AGBL4: variants seen among roughly 807,000 people sequenced by gnomAD.
The protein encoded by AGBL4 is cytosolic carboxypeptidase 6.
In AGBL4, 58 loss-of-function variants were observed where a neutral mutation model predicts 66.4. The ratio of observed to expected loss-of-function variants is 0.87; its 90% CI spans 0.71 to 1.09. The LOEUF (loss-of-function observed/expected upper bound fraction) is 1.09. Ranked by LOEUF, AGBL4 falls within the 50% of genes least tolerant of loss-of-function variation. The pLI is 0.00. For missense variants in AGBL4, 579 were observed against 631.0 expected, an observed-to-expected ratio of 0.92 and a Z score of 0.88; for synonymous variants, 234 against 222.9, an observed-to-expected ratio of 1.05 and a Z score of -0.44.
At chr1:49,163,898 G>T (rs1314920749) in intron 4 of AGBL4, among the ~76,000 whole-genome samples, 2 of 152,134 alleles carry the variant, frequency 1.3e-5, no homozygotes, top group Non-Finnish European at 2.9e-5. Flanking sequence ...CCGAGCAAAA[G>T]CACTGGGCTG....
At chr1:48,580,563 C>T (rs2148330946) in intron 11 of AGBL4, among the ~76,000 whole-genome samples, 1 of 152,296 alleles carries the variant, frequency 6.6e-6, no homozygotes, top group East Asian at 1.9e-4. Flanking sequence ...ATAGTCATTG[C>T]TAAACTGAGA....
intron 9 of AGBL4, among the ~76,000 whole-genome samples, chr1:48,623,046 G>C (rs1222137320): frequency 6.6e-6 from 1 of 152,158 alleles, no homozygotes; most frequent in African/African-American, 2.4e-5. Flanking sequence ...AAAATGGAGA[G>C]AAGCCCCCTC....
chr1:49,825,163 C>T (rs959957100), intron 2 of AGBL4, among the ~76,000 whole-genome samples: 5 of 152,186 alleles, frequency 3.3e-5, no homozygotes, highest in African/African-American at 1.2e-4. Flanking sequence ...ATCTTCTTTA[C>T]TGATACAAAA....
chr1:49,074,329 C>T (rs1290621677), intron 4 of AGBL4, among the ~76,000 whole-genome samples: 3 of 152,158 alleles, frequency 2.0e-5, no homozygotes, highest in Non-Finnish European at 4.4e-5. Flanking sequence ...AGGGAAATCC[C>T]CTGACCCCTT....
intron 5 of AGBL4, among the ~76,000 whole-genome samples, chr1:49,016,281 G>GAGGC (rs1181533095): frequency 6.6e-6 from 1 of 152,204 alleles, no homozygotes; most frequent in Non-Finnish European, 1.5e-5. Context: ...CTAATGCGGG[G>GAGGC]AGGCAGTCCT....
At chr1:49,120,462 GAA>G (rs1176987212) in intron 4 of AGBL4, among the ~76,000 whole-genome samples, 2 of 152,088 alleles carry the variant, frequency 1.3e-5, no homozygotes, top group Non-Finnish European at 2.9e-5. Flanking sequence ...ATGAAAAGTT[GAA>G]AAGTCTTTTC....
chr1:48,623,311 G>T (rs1645446140), intron 9 of AGBL4, among the ~76,000 whole-genome samples: 2 of 152,194 alleles, frequency 1.3e-5, no homozygotes, highest in Non-Finnish European at 2.9e-5. Flanking sequence ...GAGCATCAAG[G>T]CTCATTGGCC....
At chr1:48,870,694 ACTCCTACAG>A (rs1648565774) in intron 5 of AGBL4, among the ~76,000 whole-genome samples, 1 of 151,782 alleles carries the variant, frequency 6.6e-6, no homozygotes. Context: ...ATCTCTCCCC[ACTCCTACAG>A]CTCCTACTGT....
intron 5 of AGBL4, among the ~76,000 whole-genome samples, chr1:48,945,525 C>A (rs1226588717): frequency 6.6e-6 from 1 of 152,056 alleles, no homozygotes; most frequent in Non-Finnish European, 1.5e-5. Flanking sequence ...GGCCTTAGAT[C>A]CAAATGATAA....
intron 4 of AGBL4, among the ~76,000 whole-genome samples, chr1:49,149,623 AC>A (rs1646287188): frequency 6.6e-6 from 1 of 152,228 alleles, no homozygotes; most frequent in African/African-American, 2.4e-5. Flanking sequence ...TTATTTATTC[AC>A]ATTTTTCTGT....
At chr1:49,337,402 G>A (rs1367168775) in intron 3 of AGBL4, among the ~76,000 whole-genome samples, 1 of 152,184 alleles carries the variant, frequency 6.6e-6, no homozygotes, top group Non-Finnish European at 1.5e-5. Flanking sequence ...CTCCCTGCCA[G>A]CAAGCAGCAC....
intron 3 of AGBL4, among the ~76,000 whole-genome samples, chr1:49,321,247 T>C (rs1321441377): frequency 6.6e-6 from 1 of 152,166 alleles, no homozygotes; most frequent in South Asian, 2.1e-4. Context: ...TAATGCTATA[T>C]CCTTACACCC....
At chr1:49,916,734 C>A (rs6588368) in intron 1 of AGBL4, among the ~76,000 whole-genome samples, 1 of 151,844 alleles carries the variant, frequency 6.6e-6, no homozygotes, top group African/African-American at 2.4e-5. Context: ...ATACAGAGAA[C>A]GCCACAAAGA....
intron 3 of AGBL4, among the ~76,000 whole-genome samples, chr1:49,564,636 C>G (rs923745518): frequency 6.6e-6 from 1 of 152,144 alleles, no homozygotes; most frequent in Non-Finnish European, 1.5e-5. Flanking sequence ...TTTCTTAATC[C>G]TGAGTTCTAG....
intron 3 of AGBL4, among the ~76,000 whole-genome samples, chr1:49,332,334 A>C (rs188091712): frequency 7.2e-5 from 11 of 152,324 alleles, no homozygotes; most frequent in African/African-American, 2.6e-4. Context: ...TAGTAAAGAC[A>C]ATTAATAAGG....
At chr1:48,963,947 A>T (rs1230938401) in intron 5 of AGBL4, among the ~76,000 whole-genome samples, 1 of 152,224 alleles carries the variant, frequency 6.6e-6, no homozygotes, top group African/African-American at 2.4e-5. Context: ...GCTCTGTGTA[A>T]GGTAACAATC....
intron 3 of AGBL4, among the ~76,000 whole-genome samples, chr1:49,494,965 T>C (rs935279689): frequency 1.3e-5 from 2 of 152,180 alleles, no homozygotes; most frequent in South Asian, 2.1e-4. Flanking sequence ...AATTTTAATA[T>C]ACTTTAATTG....
intron 11 of AGBL4, among the ~76,000 whole-genome samples, chr1:48,566,530 G>A (rs1422710565): frequency 1.3e-5 from 2 of 152,178 alleles, no homozygotes; most frequent in Non-Finnish European, 2.9e-5. Flanking sequence ...CCACTGTGAT[G>A]GTTAACTGTA....
intron 3 of AGBL4, among the ~76,000 whole-genome samples, chr1:49,350,081 C>T (rs569686894): frequency 6.6e-6 from 1 of 152,166 alleles, no homozygotes; most frequent in Admixed American, 6.5e-5. Context: ...GTAATACAGA[C>T]AGGAAACATA....
Sources: gnomAD v4.1 joint callset for allele counts (sites outside exome capture counted in the v4.1 genomes callset) on GRCh38, gnomAD v4.1.1 for gene constraint, MANE v1.5 for transcripts, NCBI Gene and HGNC (gene_info 2026-07-23, HGNC 2026-07-21) for gene names.